Variants in DCAF17 observed in about 807,000 individuals in gnomAD.
DCAF17 encodes DDB1 and CUL4 associated factor 17.
In DCAF17, 48 loss-of-function variants were observed where a neutral mutation model predicts 66.0. The observed-to-expected ratio is 0.73, with a 90% CI of 0.58 to 0.92. DCAF17 has a LOEUF of 0.92. Among genes scored for constraint, DCAF17 ranks in the 40% least tolerant of loss-of-function variants. DCAF17 has a pLI of 0.00. For missense variants in DCAF17, 562 were observed against 622.8 expected (o/e 0.90, Z 1.04); for synonymous variants, 206 against 214.6 (o/e 0.96, Z 0.35).
Position 171,478,086 on chromosome 2 carries a change from G to T in DCAF17, c.1266+16G>T, listed in dbSNP as rs1034547235. 6.2e-7 allele frequency: 1 copy of T among 1,605,870 alleles called. No homozygotes were observed. The highest frequency in any genetic ancestry group is 8.5e-7 in the Non-Finnish European group (1 of 1,172,660). ...AGAACAAGAGGTATTGCTTTGGCCAGAGATGACAAACCAAACCAGTGTGTC... is the reference window on the plus strand; with the variant it reads ...AGAACAAGAGGTATTGCTTTGGCCATAGATGACAAACCAAACCAGTGTGTC... On this transcript the variant is annotated intron_variant, in intron 12 of 13. Coordinates refer to ENST00000375255, the MANE Select transcript of DCAF17 (RefSeq NM_025000.4).
At chr2:171,466,060 TGC>T (rs1695879925) in intron 8 of DCAF17, among the ~76,000 whole-genome samples, 1 of 152,198 alleles carries the variant, frequency 6.6e-6, no homozygotes. Flanking sequence ...GGTGAGGTTT[TGC>T]CATGTTGCCC....
intron 1 of DCAF17, 163 bp downstream of exon 1, chr2:171,434,866 C>A: frequency 8.7e-7 from 1 of 1,152,302 alleles, no homozygotes; most frequent in Non-Finnish European, 1.2e-6. Context: ...GTAATAGGGC[C>A]ACCAGCTGCT....
At position 171,458,403 on chromosome 2, in the gene DCAF17, C is replaced by G. The variant is rs768194770; in HGVS notation, c.764C>G (p.Ala255Gly). The change falls in exon 8 of 14, where the codon GCA becomes GGA. Residue 255 changes from alanine to glycine, a missense_variant. This residue lies in a region of DCAF17 where 348 missense variants were observed against 355.9 expected (regional missense o/e 0.98). Transcript: ENST00000375255. ...FMQQKLDLGC[A>G]CRWGGTTGTV... ...CAACAGAAACTTGACTTAGGGTGTG[C>G]ATGCAGATGGGGTGGGACTACTGGA... 7.4e-6 allele frequency: 12 copies of G among 1,613,938 alleles called. 1 individual carries two copies. Among genetic ancestry groups the G allele is most frequent in the African/African-American group, 5.3e-5 (4 of 74,994 alleles).
At chr2:171,439,270 C>T (rs573150188) in intron 2 of DCAF17, among the ~76,000 whole-genome samples, 2 of 151,976 alleles carry the variant, frequency 1.3e-5, no homozygotes, top group East Asian at 3.9e-4. Flanking sequence ...CTTTTTCTTC[C>T]TTCTGGTATT....
chr2:171,477,659 G>A (rs1053993346), intron 11 of DCAF17, among the ~76,000 whole-genome samples: 3 of 152,126 alleles, frequency 2.0e-5, no homozygotes, highest in African/African-American at 7.2e-5. Context: ...AGGCATGGTG[G>A]TGTATGCCTG....
chr2:171,434,739 G>A (rs1487993832), intron 1 of DCAF17, 36 bp downstream of exon 1: 12 of 1,395,294 alleles, frequency 8.6e-6, no homozygotes, highest in Non-Finnish European at 1.1e-5. Context: ...ACGGAGGGCC[G>A]CGGGCGCGCG....
intron 2 of DCAF17, among the ~76,000 whole-genome samples, chr2:171,436,488 G>C (rs1316121437): frequency 6.6e-6 from 1 of 152,176 alleles, no homozygotes; most frequent in Non-Finnish European, 1.5e-5. Flanking sequence ...GTCAACACTT[G>C]ATGTGTGACT....
chr2:171,482,035 C>T lies in DCAF17; in HGVS notation c.*921C>T, dbSNP rs751026272. 6 of 453,828 alleles carry T rather than the reference C, an allele frequency of 1.3e-5. No homozygotes were observed. The highest frequency in any genetic ancestry group is 2.2e-5 in the Non-Finnish European group (5 of 226,742). The allele number at this position is 453,828 out of a possible 1,614,324, so 28.1% of individuals were successfully genotyped here. ...ACTAGCTTGGGAGTTACCTGATTAA[C>T]CAGAGAAAATTTTTGGCTTACTTAT... On this transcript the variant is annotated 3_prime_UTR_variant, in exon 14 of 14. Coordinates refer to ENST00000375255, the MANE Select transcript of DCAF17 (RefSeq NM_025000.4).
Position 171,434,642 on chromosome 2 carries a change from C to CGA in DCAF17, c.66_67insAG (p.Arg23SerfsTer38). The stretch of plus-strand genomic sequence containing the variant: ...AGTCGCCGGGCGCTGGGCTGCTTCT[C>CGA]GCGCGACGCAGGCGTGGTGCAGAGG... On this transcript the variant is annotated frameshift_variant, in exon 1 of 14. Coordinates refer to ENST00000375255, the MANE Select transcript of DCAF17 (RefSeq NM_025000.4). LOFTEE classifies it high-confidence loss of function. 1 of 1,534,834 alleles carries CGA rather than the reference C, an allele frequency of 6.5e-7. No individual in the cohort carries two copies. The highest frequency in any genetic ancestry group is 1.2e-5 in the South Asian group (1 of 83,932).
Position 171,480,990 on chromosome 2 carries a change from T to C in DCAF17, c.1439T>C (p.Val480Ala), listed in dbSNP as rs1207971620. 2 of 1,613,736 alleles carry C rather than the reference T, an allele frequency of 1.2e-6. No homozygotes were observed. The highest frequency in any genetic ancestry group is 1.1e-5 in the South Asian group (1 of 91,080). ...TTGTTACAGACATATAGCCATGAAG[T>C]CTACTTTGACAGAGACTTGGTGCTA... ...ESWDVTYSHE[V>A]YFDRDLVLHI... Residue 480 changes from valine (V) to alanine (A), a missense_variant, in exon 14 of 14, where the codon GTC becomes GCC. Transcript: ENST00000375255.
At chr2:171,470,047 A>G (rs1429338913) in intron 9 of DCAF17, among the ~76,000 whole-genome samples, 7 of 152,176 alleles carry the variant, frequency 4.6e-5, no homozygotes, top group African/African-American at 9.7e-5. Flanking sequence ...ATTTAGAGAC[A>G]GAGTCTCACT....
chr2:171,483,260 A>G lies in DCAF17; in HGVS notation c.*2146A>G. On this transcript the variant is annotated 3_prime_UTR_variant, in exon 14 of 14. Coordinates refer to ENST00000375255, the MANE Select transcript of DCAF17 (RefSeq NM_025000.4). ...CCTACCTAAACCCCCTCTTTACCTG[A>G]TATTTTAATTCGAGACTCTAGCTAC... 4.4e-6 allele frequency: 2 copies of G among 454,066 alleles called. No individual in the cohort carries two copies. The highest frequency in any genetic ancestry group is 8.8e-6 in the Non-Finnish European group (2 of 226,772). The allele number at this position is 454,066 out of a possible 1,614,324, so 28.1% of individuals were successfully genotyped here. A position where few individuals can be genotyped will look rare whatever the true frequency, so the allele number is the denominator to read the frequency against.
At chr2:171,461,063 A>G (rs781121289) in intron 8 of DCAF17, among the ~76,000 whole-genome samples, 24 of 152,298 alleles carry the variant, frequency 1.6e-4, no homozygotes, top group Admixed American at 4.6e-4. Flanking sequence ...TTGTTTTTCA[A>G]TCTTAAGGTC....
chr2:171,439,939 A>C (rs1323827328), intron 2 of DCAF17, among the ~76,000 whole-genome samples: 1 of 151,672 alleles, frequency 6.6e-6, no homozygotes, highest in African/African-American at 2.4e-5. Context: ...AGAAAACCCC[A>C]AAAAACCCCA....
chr2:171,480,612 A>G (rs1696699595), intron 13 of DCAF17, among the ~76,000 whole-genome samples: 1 of 152,182 alleles, frequency 6.6e-6, no homozygotes, highest in Non-Finnish European at 1.5e-5. Flanking sequence ...TAGAATGTCA[A>G]AGTTGTAAGG....
chr2:171,463,130 C>T (rs983565119), intron 8 of DCAF17, among the ~76,000 whole-genome samples: 2 of 151,508 alleles, frequency 1.3e-5, no homozygotes, highest in African/African-American at 4.9e-5. Context: ...ACTCAGGAGG[C>T]TGAGGCACGA....
At chr2:171,458,177 T>G in intron 7 of DCAF17, 102 bp downstream of exon 7, 1 of 1,192,022 alleles carries the variant, frequency 8.4e-7, no homozygotes, top group Non-Finnish European at 1.2e-6. Context: ...GGCACTTCTG[T>G]AGATTTTGGC....
intron 13 of DCAF17, 132 bp downstream of exon 13, chr2:171,480,325 C>T: frequency 8.7e-7 from 1 of 1,149,588 alleles, no homozygotes; most frequent in Non-Finnish European, 1.2e-6. Context: ...AGGTTTTGTC[C>T]TATATACAGG....
At chr2:171,455,030 T>C (rs1004745184) in intron 6 of DCAF17, among the ~76,000 whole-genome samples, 11 of 152,104 alleles carry the variant, frequency 7.2e-5, no homozygotes, top group Admixed American at 3.3e-4. Context: ...GTTTGTTATA[T>C]AGATAAACAT....
Sources: allele counts gnomAD v4.1 joint callset (sites outside exome capture counted in the v4.1 genomes callset), GRCh38; gene constraint gnomAD v4.1.1; regional missense constraint gnomAD v4.1.1; transcripts MANE v1.5; gene names NCBI Gene and HGNC (gene_info 2026-07-23, HGNC 2026-07-21).